Variants in RNF8 observed in about 807,000 individuals in gnomAD.
RNF8 encodes ring finger protein 8.
A neutral mutation model predicts 59.3 loss-of-function variants in RNF8; 8 were observed. The observed-to-expected ratio is 0.13, with a 90% confidence interval of 0.08 to 0.24. The LOEUF (loss-of-function observed/expected upper bound fraction) is 0.24, where lower values mean the gene tolerates loss of function less well. Among genes scored for constraint, RNF8 ranks in the 10% least tolerant of loss-of-function variants. The pLI is 1.00. For missense variants in RNF8, 406 were observed against 572.6 expected, an observed-to-expected ratio of 0.71 and a Z score of 2.97; for synonymous variants, 162 against 200.0, an observed-to-expected ratio of 0.81 and a Z score of 1.60.
intron 4 of RNF8, among the ~76,000 whole-genome samples, chr6:37,372,562 T>A (rs1769854230): frequency 6.6e-6 from 1 of 152,260 alleles, no homozygotes; most frequent in Non-Finnish European, 1.5e-5. Flanking sequence ...AATGTGGTTC[T>A]GCTAGTTGGA....
At chr6:37,361,843 C>A (rs941913852) in intron 2 of RNF8, among the ~76,000 whole-genome samples, 1 of 152,172 alleles carries the variant, frequency 6.6e-6, no homozygotes, top group Non-Finnish European at 1.5e-5. Context: ...TAGCAAGGCA[C>A]CATGAGCAGG....
chr6:37,359,557 T>C (rs573658900), intron 1 of RNF8, among the ~76,000 whole-genome samples: 1 of 152,304 alleles, frequency 6.6e-6, no homozygotes, highest in East Asian at 1.9e-4. Flanking sequence ...AAGATGAAAT[T>C]TAATAGGAAT....
At chr6:37,376,306 G>A (rs548532301) in intron 5 of RNF8, among the ~76,000 whole-genome samples, 1 of 152,150 alleles carries the variant, frequency 6.6e-6, no homozygotes, top group African/African-American at 2.4e-5. Context: ...TTTTGGGGAA[G>A]GAGACAGAAT....
chr6:37,366,892 T>G (rs1276249846), intron 2 of RNF8, among the ~76,000 whole-genome samples: 1 of 152,272 alleles, frequency 6.6e-6, no homozygotes, highest in Non-Finnish European at 1.5e-5. Context: ...TTTTAGGACC[T>G]ATCATCTCCA....
chr6:37,380,392 C>T (rs757919782), intron 6 of RNF8, among the ~76,000 whole-genome samples: 12 of 151,978 alleles, frequency 7.9e-5, no homozygotes, highest in Admixed American at 5.9e-4. Flanking sequence ...CAACCCAGGC[C>T]GGGCTTGGTG....
At chr6:37,371,984 G>A (rs116233018) in intron 4 of RNF8, among the ~76,000 whole-genome samples, 157 of 152,316 alleles carry the variant, frequency 1.0e-3, no homozygotes, top group Non-Finnish European at 1.8e-3. Flanking sequence ...ATTGGGGAAT[G>A]TTCCAGTTAA....
Position 37,369,031 on chromosome 6 carries a change from T to G in RNF8, c.788T>G (p.Met263Arg). 2.5e-6 allele frequency: 4 copies of G among 1,614,118 alleles called. No individual in the cohort carries two copies. The highest frequency in any genetic ancestry group is 2.5e-6 in the Non-Finnish European group (3 of 1,180,026). ...MSRILRLKIQ[M>R]QEKHEAVMNV... ...AGGATTCTGAGGCTCAAAATACAGATGCAGGAAAAACATGAAGCCGTTATG... is the reference window on the plus strand; with the variant it reads ...AGGATTCTGAGGCTCAAAATACAGAGGCAGGAAAAACATGAAGCCGTTATG... Residue 263 changes from methionine to arginine, a missense_variant, in exon 3 of 8, where the codon ATG becomes AGG. By Grantham distance (91) the Met-to-Arg change is moderately conservative. Coordinates refer to ENST00000373479, the MANE Select transcript of RNF8 (RefSeq NM_003958.4).
chr6:37,388,773 CAAA>C (rs34628683), intron 7 of RNF8, among the ~76,000 whole-genome samples: 1 of 135,668 alleles, frequency 7.4e-6, no homozygotes, highest in Non-Finnish European at 1.6e-5. Context: ...ACCCCCATCT[CAAA>C]AAAAAAAAAA....
chr6:37,357,174 T>C (rs1769152089), intron 1 of RNF8, among the ~76,000 whole-genome samples: 1 of 152,242 alleles, frequency 6.6e-6, no homozygotes, highest in African/African-American at 2.4e-5. Context: ...AAAACTATTG[T>C]AAATGAAAAC....
chr6:37,372,814 A>T (rs1769864802), intron 4 of RNF8, among the ~76,000 whole-genome samples: 1 of 152,208 alleles, frequency 6.6e-6, no homozygotes. Context: ...TACTAAAAAT[A>T]CAAAATTAGC....
At chr6:37,374,550 GC>G in intron 4 of RNF8, 69 bp from the exon 5 acceptor site, 1 of 1,133,498 alleles carries the variant, frequency 8.8e-7, no homozygotes, top group Non-Finnish European at 1.3e-6. Flanking sequence ...GAGAGAACAG[GC>G]ATGTTTGTGG....
chr6:37,384,026 G>GA (rs1020985053), intron 7 of RNF8, among the ~76,000 whole-genome samples: 5 of 150,438 alleles, frequency 3.3e-5, no homozygotes, highest in East Asian at 1.9e-4. Context: ...GTTGTACTCA[G>GA]AAAAAAAACA....
chr6:37,377,542 C>T (rs1055960865), intron 6 of RNF8, among the ~76,000 whole-genome samples: 3 of 152,172 alleles, frequency 2.0e-5, no homozygotes, highest in Non-Finnish European at 2.9e-5. Flanking sequence ...AATCTTCTTT[C>T]CCTTCACTGT....
chr6:37,354,318 A>AG lies in RNF8; in HGVS notation c.111+46dup, dbSNP rs767484198. The AG allele has an allele frequency of 1.6e-5, 23 of 1,406,858 alleles. No individual in the cohort carries two copies. In the African/African-American group the frequency reaches 2.7e-4, roughly 16 times the overall value. 87.1% of individuals were successfully genotyped at this position (1,406,858 alleles called of 1,614,324 possible). A position where few individuals can be genotyped will look rare whatever the true frequency, so the allele number is the denominator to read the frequency against. ...CTGTGGAGCGGAGGGCAGGGGCTGG[A>AG]GGGAGCGGGGCTCCGGGGAGGGAGG... On this transcript the variant is annotated intron_variant, in intron 1 of 7. Coordinates refer to ENST00000373479, the MANE Select transcript of RNF8 (RefSeq NM_003958.4).
intron 2 of RNF8, among the ~76,000 whole-genome samples, chr6:37,362,178 T>C (rs1228747567): frequency 1.3e-5 from 2 of 152,242 alleles, no homozygotes; most frequent in Admixed American, 1.3e-4. Context: ...TACAATATTA[T>C]AGAGGTGAGT....
intron 2 of RNF8, among the ~76,000 whole-genome samples, chr6:37,367,056 T>C (rs1175595228): frequency 6.6e-6 from 1 of 152,208 alleles, no homozygotes; most frequent in East Asian, 1.9e-4. Flanking sequence ...TCAATATATT[T>C]ACCTTGCGTG....
chr6:37,372,463 G>T (rs1363354757), intron 4 of RNF8, among the ~76,000 whole-genome samples: 1 of 152,152 alleles, frequency 6.6e-6, no homozygotes, highest in Non-Finnish European at 1.5e-5. Context: ...TTTTGAGCTT[G>T]TTTATTTTCT....
At chr6:37,378,885 C>G (rs1581690161) in intron 6 of RNF8, among the ~76,000 whole-genome samples, 1 of 152,182 alleles carries the variant, frequency 6.6e-6, no homozygotes, top group African/African-American at 2.4e-5. Context: ...GTTAGCCAAC[C>G]TGGAGCATCT....
intron 3 of RNF8, 110 bp downstream of exon 3, chr6:37,369,328 C>A: frequency 7.7e-7 from 1 of 1,293,032 alleles, no homozygotes; most frequent in Non-Finnish European, 1.0e-6. Context: ...ATTCTGAGCA[C>A]CAAAGACAGG....
Sources: gnomAD v4.1 joint callset for allele counts (sites outside exome capture counted in the v4.1 genomes callset) on GRCh38, gnomAD v4.1.1 for gene constraint, MANE v1.5 for transcripts, NCBI Gene and HGNC (gene_info 2026-07-23, HGNC 2026-07-21) for gene names.